UCK2: variants seen among roughly 807,000 people sequenced by gnomAD.
UCK2 encodes the protein uridine-cytidine kinase 2.
In UCK2, 6 loss-of-function variants were observed where a neutral mutation model predicts 30.8. That is an observed-to-expected ratio of 0.19 (90% CI 0.11 to 0.38). The LOEUF (loss-of-function observed/expected upper bound fraction) is 0.38, where lower values mean the gene tolerates loss of function less well. Ranked by LOEUF, UCK2 falls within the 10% of genes least tolerant of loss-of-function variation. The pLI is 1.00. For missense variants in UCK2, 210 were observed against 339.8 expected, an observed-to-expected ratio of 0.62 and a Z score of 3.00; for synonymous variants, 125 against 133.6, an observed-to-expected ratio of 0.94 and a Z score of 0.45.
chr1:165,859,133 G>T (rs1188442972), intron 1 of UCK2, among the ~76,000 whole-genome samples: 1 of 152,114 alleles, frequency 6.6e-6, no homozygotes, highest in Non-Finnish European at 1.5e-5. Flanking sequence ...TACATAAAAA[G>T]GCCATGTTTT....
At chr1:165,831,180 G>A (rs1188029998) in intron 1 of UCK2, among the ~76,000 whole-genome samples, 3 of 151,962 alleles carry the variant, frequency 2.0e-5, no homozygotes, top group African/African-American at 7.3e-5. Context: ...GGGAGGCCAA[G>A]GAAGGAGGAT....
intron 3 of UCK2, chr1:165,895,618 G>A (rs1655877965): frequency 2.0e-6 from 2 of 985,548 alleles, no homozygotes; most frequent in Non-Finnish European, 2.4e-6. Context: ...TCGGGATTCT[G>A]TACTTCCTCA....
chr1:165,869,448 G>A (rs1200242541), intron 1 of UCK2, among the ~76,000 whole-genome samples: 4 of 152,014 alleles, frequency 2.6e-5, no homozygotes, highest in African/African-American at 7.3e-5. Context: ...CCCCACAAAT[G>A]GTATTGCTGG....
At chr1:165,881,040 G>A (rs1430009518) in intron 1 of UCK2, among the ~76,000 whole-genome samples, 2 of 151,864 alleles carry the variant, frequency 1.3e-5, no homozygotes, top group Non-Finnish European at 2.9e-5. Context: ...GGGTGTGGTG[G>A]TGCACACCTA....
chr1:165,876,806 G>A (rs1007558246), intron 1 of UCK2, among the ~76,000 whole-genome samples: 5 of 152,152 alleles, frequency 3.3e-5, no homozygotes, highest in African/African-American at 4.8e-5. Flanking sequence ...CCATGCCTCC[G>A]TCCTGTCTCC....
At chr1:165,885,141 G>T in intron 1 of UCK2, 2 of 367,150 alleles carry the variant, frequency 5.4e-6, no homozygotes, top group Non-Finnish European at 9.7e-6. Context: ...TTGTTTTCCA[G>T]AGGTAAAGTA....
intron 1 of UCK2, among the ~76,000 whole-genome samples, chr1:165,860,369 G>A (rs1654864803): frequency 6.6e-6 from 1 of 152,192 alleles, no homozygotes; most frequent in South Asian, 2.1e-4. Context: ...AAAAGTAGAG[G>A]GGACTGTGAC....
chr1:165,891,292 T>C lies in UCK2; in HGVS notation c.326T>C (p.Ile109Thr). 6.2e-7 allele frequency: 1 copy of C among 1,614,224 alleles called. No homozygotes were observed. Among genetic ancestry groups the C allele is most frequent in the Non-Finnish European group, 8.5e-7 (1 of 1,180,016 alleles). Residue 109 changes from isoleucine to threonine, a missense_variant, in exon 3 of 7, where the codon ATC becomes ACC. Physicochemically the swap from Ile to Thr is moderately conservative, Grantham distance 89. Transcript: ENST00000367879. Reference sequence around the variant, plus strand: ...ATCACTGAAGGGAAAACAGTCCAGATCCCCGTGTATGACTTTGTCTCCCAT... The same window carrying C: ...ATCACTGAAGGGAAAACAGTCCAGACCCCCGTGTATGACTTTGTCTCCCAT... ...KEITEGKTVQ[I>T]PVYDFVSHSR... is the part of the protein sequence containing the mutation.
intron 1 of UCK2, among the ~76,000 whole-genome samples, chr1:165,881,065 C>T (rs966464510): frequency 2.0e-5 from 3 of 151,148 alleles, no homozygotes; most frequent in African/African-American, 7.3e-5. Flanking sequence ...CCCAGCTACT[C>T]GTTAAGCTGA....
chr1:165,901,451 G>A (rs1294367735), intron 4 of UCK2, among the ~76,000 whole-genome samples: 1 of 152,140 alleles, frequency 6.6e-6, no homozygotes. Context: ...GCATGCACCT[G>A]TGCATGTGTG....
At chr1:165,907,662 T>C in intron 6 of UCK2, 22 bp from the exon 7 acceptor site, 2 of 1,613,264 alleles carry the variant, frequency 1.2e-6, no homozygotes, top group Non-Finnish European at 1.7e-6. Flanking sequence ...CCCGTAACGC[T>C]CTGCTGGTCT....
chr1:165,884,745 G>T (rs76697684), intron 1 of UCK2, among the ~76,000 whole-genome samples: 138 of 152,320 alleles, frequency 9.1e-4, no homozygotes, highest in Non-Finnish European at 1.6e-3. Flanking sequence ...GGGTGAGAAC[G>T]ATTTTAGAGA....
intron 4 of UCK2, among the ~76,000 whole-genome samples, chr1:165,901,455 A>C (rs1046769100): frequency 6.6e-6 from 1 of 152,170 alleles, no homozygotes; most frequent in African/African-American, 2.4e-5. Flanking sequence ...GCACCTGTGC[A>C]TGTGTGTATA....
chr1:165,849,506 G>T (rs1654539301), intron 1 of UCK2, among the ~76,000 whole-genome samples: 1 of 152,202 alleles, frequency 6.6e-6, no homozygotes, highest in Admixed American at 6.5e-5. Context: ...AGGGATGGTG[G>T]ACAGGGCAGT....
chr1:165,894,053 T>G (rs2101883455), intron 3 of UCK2: 1 of 152,310 alleles, frequency 6.6e-6, no homozygotes, highest in East Asian at 1.9e-4. Context: ...TTGGAGCATT[T>G]CAGATTTTGG....
At chr1:165,830,159 T>A (rs1654008412) in intron 1 of UCK2, among the ~76,000 whole-genome samples, 2 of 151,380 alleles carry the variant, frequency 1.3e-5, no homozygotes, top group Non-Finnish European at 2.9e-5. Context: ...GCTTGCACCA[T>A]CATGCCCGAC....
At chr1:165,896,870 T>C (rs60892824) in intron 4 of UCK2, among the ~76,000 whole-genome samples, 4,150 of 152,232 alleles carry the variant, frequency 0.027, 191 homozygotes, top group African/African-American at 0.095. Flanking sequence ...CCCTACTAAG[T>C]GTGGGCCTGC....
intron 1 of UCK2, among the ~76,000 whole-genome samples, chr1:165,845,337 T>C (rs1654422544): frequency 6.6e-6 from 1 of 152,218 alleles, no homozygotes; most frequent in South Asian, 2.1e-4. Flanking sequence ...CTTGGCGCAC[T>C]CTTCCTCAGA....
chr1:165,880,566 GGTGTGTGTGTGTGTGTGTGT>G (rs869079437), intron 1 of UCK2, among the ~76,000 whole-genome samples: 1 of 19,310 alleles, frequency 5.2e-5, no homozygotes, highest in South Asian at 1.6e-3. Context: ...TTTTTTTGGG[GGTGTGTGTGTGTGTGTGTGT>G]GTGTGTGTGT....
Sources: gnomAD v4.1 joint callset for allele counts (sites outside exome capture counted in the v4.1 genomes callset) on GRCh38, gnomAD v4.1.1 for gene constraint, MANE v1.5 for transcripts, NCBI Gene and HGNC (gene_info 2026-07-23, HGNC 2026-07-21) for gene names.